Variants in FTO observed in about 807,000 individuals in gnomAD.
The protein encoded by FTO is FTO alpha-ketoglutarate dependent dioxygenase.
FTO carries 47 observed loss-of-function variants against 63.9 expected under a neutral mutation model. The observed-to-expected ratio is 0.74, with a 90% CI of 0.58 to 0.94. The LOEUF (loss-of-function observed/expected upper bound fraction) is 0.94, where lower values mean the gene tolerates loss of function less well. Ranked by LOEUF, FTO falls within the 40% of genes least tolerant of loss-of-function variation. FTO has a pLI of 0.00. For missense variants in FTO, 562 were observed against 618.1 expected (o/e 0.91, Z 0.96); for synonymous variants, 207 against 224.4 (o/e 0.92, Z 0.69).
At chr16:53,958,518 G>T (rs2082986628) in intron 8 of FTO, among the ~76,000 whole-genome samples, 1 of 152,184 alleles carries the variant, frequency 6.6e-6, no homozygotes, top group African/African-American at 2.4e-5. Flanking sequence ...CACCCCCGGT[G>T]TATAAAAAAG....
At chr16:54,089,369 C>G (rs2086325096) in intron 8 of FTO, among the ~76,000 whole-genome samples, 3 of 152,204 alleles carry the variant, frequency 2.0e-5, no homozygotes, top group Admixed American at 6.5e-5. Context: ...GATAGGGAAA[C>G]AGTCCTTCCA....
At chr16:53,747,090 C>G (rs1381711830) in intron 1 of FTO, among the ~76,000 whole-genome samples, 1 of 152,114 alleles carries the variant, frequency 6.6e-6, no homozygotes, top group Non-Finnish European at 1.5e-5. Context: ...GTCACATTTT[C>G]TTTGTCCATT....
intron 1 of FTO, among the ~76,000 whole-genome samples, chr16:53,732,744 G>T (rs998741244): frequency 6.6e-6 from 1 of 152,210 alleles, no homozygotes; most frequent in East Asian, 1.9e-4. Context: ...AAGGAGGGGG[G>T]TGGTGGAAAG....
At chr16:53,788,756 CG>C (rs982015878) in intron 1 of FTO, among the ~76,000 whole-genome samples, 3 of 151,920 alleles carry the variant, frequency 2.0e-5, no homozygotes, top group Non-Finnish European at 4.4e-5. Context: ...GTTACCTCAG[CG>C]GGGGTAGGGA....
chr16:54,106,817 C>A (rs1409826581), intron 8 of FTO, among the ~76,000 whole-genome samples: 1 of 133,036 alleles, frequency 7.5e-6, no homozygotes, highest in African/African-American at 2.8e-5. Flanking sequence ...ATTATATATA[C>A]TTATTATATA....
At chr16:53,989,942 T>G (rs569382159) in intron 8 of FTO, among the ~76,000 whole-genome samples, 1 of 152,290 alleles carries the variant, frequency 6.6e-6, no homozygotes, top group South Asian at 2.1e-4. Flanking sequence ...ACATTTTCTC[T>G]TCTTCGTGAT....
chr16:53,956,280 C>T (rs1196897662), intron 8 of FTO, among the ~76,000 whole-genome samples: 1 of 152,078 alleles, frequency 6.6e-6, no homozygotes, highest in African/African-American at 2.4e-5. Context: ...TCTGTTTTGC[C>T]GTTGATATGC....
rs140407917 is a variant in FTO, at chr16:54,113,614, T to C, written c.*1699T>C. 1 of 152,182 alleles carries C rather than the reference T, an allele frequency of 6.6e-6. No individual in the cohort carries two copies. Among genetic ancestry groups the C allele is most frequent in the East Asian group, 1.9e-4 (1 of 5,166 alleles). 9.4% of individuals were successfully genotyped at this position (152,182 alleles called of 1,614,324 possible). ...TCACAGGGTCATTACAGAGATTAAA[T>C]GAAATAAATGAAATAACATAGACCA... On this transcript the variant is annotated 3_prime_UTR_variant, in exon 9 of 9. Transcript: ENST00000471389.
chr16:53,910,145 G>A (rs1309323824), intron 7 of FTO, among the ~76,000 whole-genome samples: 2 of 152,162 alleles, frequency 1.3e-5, no homozygotes, highest in African/African-American at 2.4e-5. Context: ...AGGCACAAGA[G>A]GGATGGCTCT....
At chr16:53,903,361 C>A (rs149676686) in intron 7 of FTO, among the ~76,000 whole-genome samples, 1 of 151,552 alleles carries the variant, frequency 6.6e-6, no homozygotes, top group African/African-American at 2.4e-5. Context: ...TGGGTCCAAG[C>A]GATTCTCCTG....
chr16:53,803,278 G>A (rs959693702), intron 1 of FTO, among the ~76,000 whole-genome samples: 33 of 152,164 alleles, frequency 2.2e-4, no homozygotes, highest in African/African-American at 6.3e-4. Flanking sequence ...TAGGGCTATC[G>A]CACCACTGCT....
At chr16:53,712,895 G>GATAC (rs1037025699) in intron 1 of FTO, among the ~76,000 whole-genome samples, 1 of 151,428 alleles carries the variant, frequency 6.6e-6, no homozygotes, top group African/African-American at 2.4e-5. Flanking sequence ...TGAGTTTAGT[G>GATAC]ATACAGATTT....
At chr16:53,917,512 C>T (rs926737974) in intron 7 of FTO, among the ~76,000 whole-genome samples, 6 of 151,946 alleles carry the variant, frequency 3.9e-5, no homozygotes, top group African/African-American at 9.7e-5. Context: ...GCTTGGCACA[C>T]GGTAAGTGTA....
At chr16:53,801,026 A>G (rs1291524791) in intron 1 of FTO, among the ~76,000 whole-genome samples, 1 of 152,084 alleles carries the variant, frequency 6.6e-6, no homozygotes, top group Non-Finnish European at 1.5e-5. Flanking sequence ...CTATGGTTGC[A>G]TACTGCTTTT....
chr16:53,745,350 C>T (rs555537921), intron 1 of FTO, among the ~76,000 whole-genome samples: 4 of 152,250 alleles, frequency 2.6e-5, no homozygotes, highest in Admixed American at 2.6e-4. Flanking sequence ...ACTTGGCTAC[C>T]CACTCCACAT....
At chr16:53,925,627 A>T (rs1211157574) in intron 7 of FTO, among the ~76,000 whole-genome samples, 2 of 152,198 alleles carry the variant, frequency 1.3e-5, no homozygotes, top group Non-Finnish European at 2.9e-5. Flanking sequence ...GTTGCATCAT[A>T]TCAGAGAGGA....
intron 1 of FTO, among the ~76,000 whole-genome samples, chr16:53,767,503 T>TA (rs879931054): frequency 2.0e-5 from 3 of 151,560 alleles, no homozygotes; most frequent in South Asian, 2.1e-4. Flanking sequence ...TAAAGTATAA[T>TA]AAAAAAAATA....
chr16:54,037,931 T>C, intron 8 of FTO, among the ~76,000 whole-genome samples: 1 of 152,188 alleles, frequency 6.6e-6, no homozygotes, highest in East Asian at 1.9e-4. Flanking sequence ...ATTTTAGCAG[T>C]TAATTTTAGA....
chr16:53,796,612 ATACC>A (rs2078079814), intron 1 of FTO, among the ~76,000 whole-genome samples: 1 of 152,212 alleles, frequency 6.6e-6, no homozygotes. Flanking sequence ...AAGTTGATAC[ATACC>A]TAGAAAGATA....
Sources: allele counts gnomAD v4.1 joint callset (sites outside exome capture counted in the v4.1 genomes callset), GRCh38; gene constraint gnomAD v4.1.1; transcripts MANE v1.5; gene names NCBI Gene and HGNC (gene_info 2026-07-23, HGNC 2026-07-21).